EFNB2: variants seen among roughly 807,000 people sequenced by gnomAD.
EFNB2 encodes ephrin-B2.
EFNB2 carries 5 observed loss-of-function variants against 32.1 expected under a neutral mutation model. The ratio of observed to expected loss-of-function variants is 0.16; its 90% CI spans 0.08 to 0.33. The LOEUF (loss-of-function observed/expected upper bound fraction) is 0.33. Ranked by LOEUF, EFNB2 falls within the 10% of genes least tolerant of loss-of-function variation. The pLI is 1.00. For missense variants in EFNB2, 263 were observed against 422.6 expected, an observed-to-expected ratio of 0.62 and a Z score of 3.31; for synonymous variants, 168 against 166.5, an observed-to-expected ratio of 1.01 and a Z score of -0.07.
chr13:106,504,262 G>A (rs1054052325), intron 2 of EFNB2, among the ~76,000 whole-genome samples: 1 of 152,220 alleles, frequency 6.6e-6, no homozygotes, highest in African/African-American at 2.4e-5. Context: ...CAGTAATTGC[G>A]AGACGAGTGG....
At chr13:106,529,837 A>C (rs117165001) in intron 1 of EFNB2, among the ~76,000 whole-genome samples, 3 of 152,204 alleles carry the variant, frequency 2.0e-5, no homozygotes, top group African/African-American at 7.2e-5. Flanking sequence ...AAAAGGGATC[A>C]GTTTCTTTAT....
Position 106,518,852 on chromosome 13 carries a change from G to A in EFNB2, c.123-6040C>T, listed in dbSNP as rs1485775867. On this transcript the variant is annotated intron_variant, in intron 1 of 4. Transcript: ENST00000646441. The surrounding 1 kb of genome is among the most constrained non-coding windows in gnomAD (Gnocchi z 4.1). The stretch of plus-strand genomic sequence containing the variant: ...ACAAACATCTGATGCCTTCTTACAA[G>A]TTTTCTCACGGTTGGCCAAAGAGTG... The A allele has an allele frequency of 6.6e-6, 1 of 152,110 alleles. No homozygotes were observed. The highest frequency in any genetic ancestry group is 1.5e-5 in the Non-Finnish European group (1 of 68,040). 9.4% of individuals were successfully genotyped at this position (152,110 alleles called of 1,614,324 possible). A position where few individuals can be genotyped will look rare whatever the true frequency, so the allele number is the denominator to read the frequency against.
chr13:106,532,200 A>G (rs1190782700), intron 1 of EFNB2, among the ~76,000 whole-genome samples: 1 of 152,296 alleles, frequency 6.6e-6, no homozygotes, highest in East Asian at 1.9e-4. Flanking sequence ...TTCCATTATT[A>G]CATACAGTCA....
Position 106,494,928 on chromosome 13 carries a change from G to C in EFNB2, c.566C>G (p.Thr189Arg). The C allele has an allele frequency of 6.2e-7, 1 of 1,614,140 alleles. No homozygotes were observed. Among genetic ancestry groups the C allele is most frequent in the Non-Finnish European group, 8.5e-7 (1 of 1,179,994 alleles). Residue 189 changes from threonine (T) to arginine (R), a missense_variant, in exon 4 of 5, where the codon ACA (threonine) becomes AGA (arginine). Thr to Arg is a moderately conservative substitution (Grantham distance 71). Around this residue, in one of 3 missense-constraint regions of EFNB2, gnomAD observed 172 missense variants for 237.1 expected, o/e 0.73. Transcript: ENST00000646441. ...PTRRPELEAG[T>R]NGRSSTTSPF... Reference sequence around the variant, plus strand: ...ACTTGTTGTCGAACTTCTTCCATTTGTACCAGCTTCTAGTTCTGGACGTCT... The same window carrying C: ...ACTTGTTGTCGAACTTCTTCCATTTCTACCAGCTTCTAGTTCTGGACGTCT...
At chr13:106,503,081 T>C (rs1193945923) in intron 2 of EFNB2, among the ~76,000 whole-genome samples, 1 of 152,202 alleles carries the variant, frequency 6.6e-6, no homozygotes, top group African/African-American at 2.4e-5. Flanking sequence ...AGATTATTTA[T>C]GGAGTTGTTT....
rs1880041466 is a variant in EFNB2 at position 106,535,334 on chromosome 13, G to A, written c.-370C>T. The A allele has an allele frequency of 1.3e-5, 2 of 151,022 alleles. No individual in the cohort carries two copies. The highest frequency in any genetic ancestry group is 1.3e-4 in the Admixed American group (2 of 15,094). The allele number at this position is 151,022 out of a possible 1,614,324, so 9.4% of individuals were successfully genotyped here. A position where few individuals can be genotyped will look rare whatever the true frequency, so the allele number is the denominator to read the frequency against. On this transcript the variant is annotated 5_prime_UTR_variant, in exon 1 of 5. Transcript: ENST00000646441. The stretch of plus-strand genomic sequence containing the variant: ...GGACACAAAGACCCGGAGCGGAGAC[G>A]ACCGGCGCGGGCGGCGGGCGCTGCG...
At chr13:106,507,271 T>G (rs1438439407) in intron 2 of EFNB2, among the ~76,000 whole-genome samples, 2 of 152,218 alleles carry the variant, frequency 1.3e-5, no homozygotes, top group Non-Finnish European at 2.9e-5. Flanking sequence ...CATAATCGCT[T>G]TATACAGCCC....
intron 1 of EFNB2, among the ~76,000 whole-genome samples, chr13:106,522,176 A>AG (rs1218292832): frequency 6.6e-6 from 1 of 152,116 alleles, no homozygotes; most frequent in Non-Finnish European, 1.5e-5. Flanking sequence ...GCAAGTGAGA[A>AG]GGGGGGTGAT....
At chr13:106,533,993 G>C (rs577741125) in intron 1 of EFNB2, among the ~76,000 whole-genome samples, 57 of 152,346 alleles carry the variant, frequency 3.7e-4, no homozygotes, top group African/African-American at 1.4e-3. Flanking sequence ...CCCGGCTGTA[G>C]AGTCCGGTAA....
intron 1 of EFNB2, among the ~76,000 whole-genome samples, chr13:106,524,267 G>A (rs1203472853): frequency 6.6e-6 from 1 of 152,198 alleles, no homozygotes; most frequent in Non-Finnish European, 1.5e-5. Context: ...GATCCATCAT[G>A]TATGCACTGC....
intron 1 of EFNB2, chr13:106,519,733 G>A (rs978504544): frequency 2.6e-5 from 4 of 152,138 alleles, no homozygotes; most frequent in Non-Finnish European, 5.9e-5. Flanking sequence ...CTACTGAATG[G>A]TGGACTTAGA....
intron 1 of EFNB2, among the ~76,000 whole-genome samples, chr13:106,531,839 A>T (rs1879881447): frequency 6.6e-6 from 1 of 152,228 alleles, no homozygotes; most frequent in Non-Finnish European, 1.5e-5. Context: ...TGGTAACCCC[A>T]GACATAAGGC....
At chr13:106,528,065 A>G (rs1334897437) in intron 1 of EFNB2, among the ~76,000 whole-genome samples, 1 of 152,220 alleles carries the variant, frequency 6.6e-6, no homozygotes, top group African/African-American at 2.4e-5. Context: ...ATCACTGTCA[A>G]GTGTAGAATG....
chr13:106,505,018 AC>A (rs761015852), intron 2 of EFNB2, among the ~76,000 whole-genome samples: 26 of 152,144 alleles, frequency 1.7e-4, no homozygotes, highest in Admixed American at 7.2e-4. Flanking sequence ...CACTATAACC[AC>A]CTTTTCCCAA....
chr13:106,517,057 T>C (rs1879338134), intron 1 of EFNB2: 1 of 152,232 alleles, frequency 6.6e-6, no homozygotes, highest in Admixed American at 6.5e-5. Context: ...CTTTGATTGC[T>C]TAGACACATT....
chr13:106,505,076 T>C lies in EFNB2; in HGVS notation c.406+7453A>G, dbSNP rs143239087. On this transcript the variant is annotated intron_variant, in intron 2 of 4. Coordinates refer to ENST00000646441, the MANE Select transcript of EFNB2 (RefSeq NM_004093.4). ...CTGTAGGATTTTCTTAGTTCAACTT[T>C]GGGGGCAGATGATTGCAAGCTGGTT... Among the ~76,000 whole-genome samples the C allele has an allele frequency of 3.3e-5, 5 of 152,250 alleles. No homozygotes were observed. The East Asian group carries it at 9.7e-4, about 29-fold the overall frequency.
chr13:106,511,949 T>G (rs1879153646), intron 2 of EFNB2, among the ~76,000 whole-genome samples: 1 of 152,170 alleles, frequency 6.6e-6, no homozygotes, highest in Non-Finnish European at 1.5e-5. Flanking sequence ...AAAAGAGTAA[T>G]GTACTAAGCA....
At position 106,535,528 on chromosome 13, in the gene EFNB2, G is replaced by A. The variant is rs1880049901; in HGVS notation, c.-564C>T. ...GCGCGGCTCCCGGCCCCCAGGGCAG[G>A]AAAGAGGGAGCTCGGTCCCCGCCGC... On this transcript the variant is annotated 5_prime_UTR_variant, in exon 1 of 5. Transcript: ENST00000646441. 6.7e-6 allele frequency: 1 copy of A among 149,810 alleles called. No homozygotes were observed. The highest frequency in any genetic ancestry group is 6.6e-5 in the Admixed American group (1 of 15,082). 9.3% of individuals were successfully genotyped at this position (149,810 alleles called of 1,614,324 possible). A position where few individuals can be genotyped will look rare whatever the true frequency, so the allele number is the denominator to read the frequency against.
At chr13:106,520,825 A>G (rs1244433280) in intron 1 of EFNB2, 5 of 152,208 alleles carry the variant, frequency 3.3e-5, no homozygotes, top group African/African-American at 1.2e-4. Context: ...CATCAGAACA[A>G]GTTTCTACGC....
Sources: gnomAD v4.1 joint callset for allele counts (sites outside exome capture counted in the v4.1 genomes callset) on GRCh38, gnomAD v4.1.1 for gene constraint, gnomAD v4.1.1 regional missense constraint, Gnocchi (gnomAD v3.1) non-coding constraint, MANE v1.5 for transcripts, NCBI Gene and HGNC (gene_info 2026-07-23, HGNC 2026-07-21) for gene names.